Variants in FRMD3 observed in about 807,000 individuals in gnomAD.
FRMD3 encodes the protein FERM domain-containing protein 3.
In FRMD3, 33 loss-of-function variants were observed where a neutral mutation model predicts 70.2. The observed-to-expected ratio is 0.47, with a 90% CI of 0.36 to 0.63. FRMD3 has a LOEUF of 0.63. Among genes scored for constraint, FRMD3 ranks in the 20% least tolerant of loss-of-function variants. FRMD3 has a pLI of 0.00. For synonymous variants in FRMD3, 279 were observed against 255.9 expected (o/e 1.09, Z -0.86); for missense variants, 632 against 711.4 (o/e 0.89, Z 1.27).
At chr9:83,384,292 C>T (rs1454286511) in intron 2 of FRMD3, among the ~76,000 whole-genome samples, 2 of 152,224 alleles carry the variant, frequency 1.3e-5, no homozygotes, top group Non-Finnish European at 2.9e-5. Flanking sequence ...TTAGGTACCA[C>T]TCTTGCTCCT....
rs1195753231 is a variant in FRMD3, at chr9:83,537,747, A to G, written c.147+338T>C. Among the ~76,000 whole-genome samples the G allele has an allele frequency of 6.6e-6, 1 of 152,166 alleles. No homozygotes were observed. Among genetic ancestry groups the G allele is most frequent in the Non-Finnish European group, 1.5e-5 (1 of 68,006 alleles). ...GCCCCTCTCAGCCCTCGGAGCTCCC[A>G]TCTCCTGGCGGAGTAGGGCCCAGAG... On this transcript the variant is annotated intron_variant, in intron 1 of 13. Coordinates refer to ENST00000304195, the MANE Select transcript of FRMD3 (RefSeq NM_174938.6). The surrounding 1 kb of genome is among the most constrained non-coding windows in gnomAD (Gnocchi z 4.1).
chr9:83,382,443 C>T (rs979928097), intron 2 of FRMD3, among the ~76,000 whole-genome samples: 6 of 152,078 alleles, frequency 3.9e-5, no homozygotes, highest in Non-Finnish European at 8.8e-5. Flanking sequence ...AATTATATTG[C>T]ATAAGTAGTA....
intron 1 of FRMD3, among the ~76,000 whole-genome samples, chr9:83,440,909 A>G (rs1827274821): frequency 6.6e-6 from 1 of 151,160 alleles, no homozygotes; most frequent in African/African-American, 2.4e-5. Flanking sequence ...TCCTTCAGGC[A>G]CAGGACGGAA....
intron 1 of FRMD3, among the ~76,000 whole-genome samples, chr9:83,464,728 G>T (rs1342986516): frequency 6.6e-6 from 1 of 152,096 alleles, no homozygotes; most frequent in Non-Finnish European, 1.5e-5. Flanking sequence ...AAAGATAATT[G>T]AGGTTCCTGG....
chr9:83,551,116 T>TC, the FRMD3 span, among the ~76,000 whole-genome samples: 3 of 152,166 alleles, frequency 2.0e-5, no homozygotes, highest in Non-Finnish European at 4.4e-5. Context: ...TGAGTGTTTG[T>TC]CATAGATGGA....
At chr9:83,426,084 G>A (rs1192400639) in intron 1 of FRMD3, among the ~76,000 whole-genome samples, 5 of 152,104 alleles carry the variant, frequency 3.3e-5, no homozygotes, top group South Asian at 4.2e-4. Context: ...TTTTAAACCC[G>A]CTAATGTTGA....
At chr9:83,370,064 G>C (rs1824920415) in intron 3 of FRMD3, among the ~76,000 whole-genome samples, 1 of 152,118 alleles carries the variant, frequency 6.6e-6, no homozygotes, top group South Asian at 2.1e-4. Context: ...GATCTTAATA[G>C]GGTCAGAGAG....
At chr9:83,481,961 CAA>C (rs3083249) in intron 1 of FRMD3, among the ~76,000 whole-genome samples, 92,406 of 132,982 alleles carry the variant, frequency 0.69, 29,815 homozygotes, top group Middle Eastern at 0.72. Context: ...TGTTTCATAA[CAA>C]AAAAAAAAAA....
intron 1 of FRMD3, among the ~76,000 whole-genome samples, chr9:83,442,473 G>T (rs1327266168): frequency 6.6e-6 from 1 of 151,992 alleles, no homozygotes; most frequent in Non-Finnish European, 1.5e-5. Context: ...GGCCAGGCTG[G>T]TCTCCAACTC....
At chr9:83,473,500 A>G (rs1828318990) in intron 1 of FRMD3, among the ~76,000 whole-genome samples, 1 of 152,246 alleles carries the variant, frequency 6.6e-6, no homozygotes, top group Non-Finnish European at 1.5e-5. Context: ...CCCCACAAGT[A>G]AACTCCAAGT....
At chr9:83,456,508 T>A (rs1057245315) in intron 1 of FRMD3, among the ~76,000 whole-genome samples, 8 of 152,190 alleles carry the variant, frequency 5.3e-5, no homozygotes, top group African/African-American at 1.9e-4. Context: ...GTTACACAAT[T>A]TAACTCCCAC....
chr9:83,513,565 G>A lies in FRMD3; in HGVS notation c.147+24520C>T, dbSNP rs779436514. The stretch of plus-strand genomic sequence containing the variant: ...ACTTCCTTTTGCTTAATCATTATAT[G>A]TCCTTTATTTCTTCATACAAAGAGA... On this transcript the variant is annotated intron_variant, in intron 1 of 13. Transcript: ENST00000304195. Among the ~76,000 whole-genome samples the A allele has an allele frequency of 5.5e-4, 84 of 152,270 alleles. 1 individual carries two copies. Among genetic ancestry groups the A allele is most frequent in the Non-Finnish European group, 2.1e-4 (14 of 68,014 alleles).
intron 13 of FRMD3, among the ~76,000 whole-genome samples, chr9:83,248,832 C>G (rs1832260972): frequency 6.6e-6 from 1 of 152,188 alleles, no homozygotes; most frequent in Non-Finnish European, 1.5e-5. Flanking sequence ...AATAAATTCA[C>G]TATTATAATT....
intron 1 of FRMD3, among the ~76,000 whole-genome samples, chr9:83,426,045 T>A (rs745712284): frequency 1.8e-4 from 28 of 151,494 alleles, no homozygotes; most frequent in Non-Finnish European, 3.8e-4. Context: ...GAGCAAACCA[T>A]CCTAAGAAAA....
In FRMD3 at chr9:83,505,708, C is replaced by T. The variant is rs1223462304; in HGVS notation, c.147+32377G>A. Among the ~76,000 whole-genome samples, 12 of 152,328 alleles carry T rather than the reference C, an allele frequency of 7.9e-5. 1 individual carries two copies. The highest frequency in any genetic ancestry group is 7.7e-4 in the East Asian group (4 of 5,186). ...CTGAGCACTTCATGAAGAACATTCA[C>T]AAGCACAGTTTTCCCTTCTATAGGT... On this transcript the variant is annotated intron_variant, in intron 1 of 13. Coordinates refer to ENST00000304195, the MANE Select transcript of FRMD3 (RefSeq NM_174938.6).
intron 13 of FRMD3, among the ~76,000 whole-genome samples, chr9:83,261,306 CTT>C (rs1226529459): frequency 6.6e-6 from 1 of 152,186 alleles, no homozygotes; most frequent in Non-Finnish European, 1.5e-5. Flanking sequence ...TAAACTCTCT[CTT>C]CTCCAAGTAG....
intron 1 of FRMD3, among the ~76,000 whole-genome samples, chr9:83,522,549 T>TTA (rs1216470321): frequency 3.6e-4 from 52 of 146,230 alleles, no homozygotes; most frequent in East Asian, 1.8e-3. Flanking sequence ...ACCACAAATT[T>TTA]TATATATATA....
intron 1 of FRMD3, among the ~76,000 whole-genome samples, chr9:83,400,729 C>A (rs1222383058): frequency 6.6e-6 from 1 of 152,156 alleles, no homozygotes; most frequent in Non-Finnish European, 1.5e-5. Context: ...AATAGACTCA[C>A]ACAAATATAG....
chr9:83,530,050 T>C (rs1829763214), intron 1 of FRMD3, among the ~76,000 whole-genome samples: 1 of 152,160 alleles, frequency 6.6e-6, no homozygotes, highest in Admixed American at 6.5e-5. Context: ...GAATGTAAAA[T>C]GGTGCAGCCA....
Sources: gnomAD v4.1 joint callset for allele counts (sites outside exome capture counted in the v4.1 genomes callset) on GRCh38, gnomAD v4.1.1 for gene constraint, Gnocchi (gnomAD v3.1) non-coding constraint, MANE v1.5 for transcripts, NCBI Gene and HGNC (gene_info 2026-07-23, HGNC 2026-07-21) for gene names.